Variants in PUS7 observed in about 807,000 individuals in gnomAD.
PUS7 encodes the protein pseudouridine synthase 7, also known as pseudouridylate synthase 7 homolog.
PUS7 carries 48 observed loss-of-function variants against 79.8 expected under a neutral mutation model. That is an observed-to-expected ratio of 0.60 (90% CI 0.48 to 0.76). The LOEUF is 0.76. PUS7 is among the 30% of genes least tolerant of loss of function. The pLI is 0.00. For synonymous variants in PUS7, 286 were observed against 272.2 expected (o/e 1.05, Z -0.50); for missense variants, 729 against 797.6 (o/e 0.91, Z 1.04).
chr7:105,515,041 G>A (rs1310854266), intron 1 of PUS7, among the ~76,000 whole-genome samples: 1 of 152,190 alleles, frequency 6.6e-6, no homozygotes, highest in South Asian at 2.1e-4. Context: ...TGATCTGCCC[G>A]CCTTGGCCTC....
At chr7:105,510,187 C>A (rs1448047211) in intron 1 of PUS7, among the ~76,000 whole-genome samples, 7 of 152,014 alleles carry the variant, frequency 4.6e-5, no homozygotes, top group African/African-American at 7.2e-5. Context: ...GTAATCCCAG[C>A]TACTCGGGAG....
chr7:105,472,001 C>A, intron 10 of PUS7, 131 bp downstream of exon 10: 100 of 511,900 alleles, frequency 2.0e-4, no homozygotes, highest in East Asian at 3.8e-4. Context: ...TAAACTTATA[C>A]TTTTATTGTA....
rs780070183 is a variant in PUS7, at chr7:105,462,793, G to A, written c.1628-43C>T. 5.7e-6 allele frequency: 9 copies of A among 1,583,888 alleles called. No individual in the cohort carries two copies. In the South Asian group the frequency reaches 9.0e-5, roughly 16 times the overall value. On this transcript the variant is annotated intron_variant, in intron 13 of 15. Coordinates refer to ENST00000469408, the MANE Select transcript of PUS7 (RefSeq NM_019042.5). ...AAGTTAGTTGAAATGCAGCTTGTCA[G>A]TCAAGTTATCCTGAACTAGATTATA... is the stretch of plus-strand genomic sequence containing the variant.
chr7:105,511,499 T>A (rs982956692), intron 1 of PUS7, among the ~76,000 whole-genome samples: 16 of 149,366 alleles, frequency 1.1e-4, no homozygotes, highest in African/African-American at 3.9e-4. Context: ...GCATGGCTCA[T>A]GCCTGAAATC....
chr7:105,477,199 A>C (rs1479672455), intron 9 of PUS7, among the ~76,000 whole-genome samples: 1 of 152,150 alleles, frequency 6.6e-6, no homozygotes, highest in Non-Finnish European at 1.5e-5. Flanking sequence ...AAGAGTTTGC[A>C]TAAGTGCAGC....
intron 5 of PUS7, among the ~76,000 whole-genome samples, chr7:105,497,497 A>G (rs561025553): frequency 6.6e-6 from 1 of 152,364 alleles, no homozygotes; most frequent in Non-Finnish European, 1.5e-5. Context: ...AGTTCTTTAT[A>G]GATTAAAAAA....
At chr7:105,498,380 A>T (rs894736070) in intron 5 of PUS7, among the ~76,000 whole-genome samples, 1 of 152,338 alleles carries the variant, frequency 6.6e-6, no homozygotes, top group South Asian at 2.1e-4. Context: ...ACTTGCAGAC[A>T]TTTTTGAGAC....
chr7:105,465,957 A>C (rs960691792), intron 12 of PUS7, among the ~76,000 whole-genome samples: 6 of 152,192 alleles, frequency 3.9e-5, no homozygotes. Flanking sequence ...CAGGAGTTCC[A>C]GAGCAGCCTA....
At chr7:105,503,264 G>A (rs1825326889) in intron 4 of PUS7, among the ~76,000 whole-genome samples, 1 of 152,176 alleles carries the variant, frequency 6.6e-6, no homozygotes, top group Admixed American at 6.5e-5. Flanking sequence ...CAGGGTCTCT[G>A]CTGGACAGAC....
chr7:105,514,842 A>AGAGC (rs1408554036), intron 1 of PUS7, among the ~76,000 whole-genome samples: 1 of 149,354 alleles, frequency 6.7e-6, no homozygotes, highest in Non-Finnish European at 1.5e-5. Context: ...CCCAGGCTGG[A>AGAGC]GAGCAGTGGC....
chr7:105,520,152 C>CG (rs1826048631), intron 1 of PUS7, among the ~76,000 whole-genome samples: 1 of 152,066 alleles, frequency 6.6e-6, no homozygotes, highest in South Asian at 2.1e-4. Context: ...GGTGAAACCC[C>CG]GTCTCTACTA....
At chr7:105,487,229 C>T (rs1054758665) in intron 7 of PUS7, among the ~76,000 whole-genome samples, 1 of 152,120 alleles carries the variant, frequency 6.6e-6, no homozygotes, top group African/African-American at 2.4e-5. Context: ...AAACCCTGTA[C>T]CTATTCAGCA....
At chr7:105,475,438 G>A (rs1167746236) in intron 9 of PUS7, among the ~76,000 whole-genome samples, 4 of 151,866 alleles carry the variant, frequency 2.6e-5, no homozygotes, top group South Asian at 2.1e-4. Context: ...GCCCCCCTTG[G>A]CCTCCTGGAG....
intron 11 of PUS7, 43 bp downstream of exon 11, chr7:105,470,645 A>G (rs775502466): frequency 4.7e-6 from 7 of 1,501,430 alleles, no homozygotes; most frequent in Non-Finnish European, 6.3e-6. Flanking sequence ...AAAAAGCATT[A>G]AAACGCCTTG....
chr7:105,468,760 C>G (rs989651829), intron 11 of PUS7, among the ~76,000 whole-genome samples: 3 of 151,984 alleles, frequency 2.0e-5, no homozygotes, highest in African/African-American at 4.8e-5. Context: ...TCAGGTGATC[C>G]GCCCACCTTG....
chr7:105,468,515 T>G, intron 11 of PUS7, 52 bp from the exon 12 acceptor site: 2 of 1,504,734 alleles, frequency 1.3e-6, no homozygotes, highest in Non-Finnish European at 9.0e-7. Flanking sequence ...ATATAAAAAG[T>G]GCTGTACTTT....
chr7:105,489,747 G>A (rs1824706493), intron 7 of PUS7, among the ~76,000 whole-genome samples: 1 of 152,164 alleles, frequency 6.6e-6, no homozygotes, highest in South Asian at 2.1e-4. Flanking sequence ...TAGTGGGAAA[G>A]AAGCCCAATT....
intron 1 of PUS7, among the ~76,000 whole-genome samples, chr7:105,510,277 G>T (rs1189323221): frequency 4.0e-5 from 6 of 151,614 alleles, no homozygotes; most frequent in Non-Finnish European, 8.8e-5. Context: ...TCCAGCCTGG[G>T]CAACAAGAGC....
intron 14 of PUS7, among the ~76,000 whole-genome samples, chr7:105,461,161 A>AT (rs1444608524): frequency 1.3e-5 from 2 of 152,144 alleles, no homozygotes; most frequent in Non-Finnish European, 2.9e-5. Flanking sequence ...ACATAAGTAT[A>AT]TTTTCCTCTC....
Sources: allele counts gnomAD v4.1 joint callset (sites outside exome capture counted in the v4.1 genomes callset), GRCh38; gene constraint gnomAD v4.1.1; transcripts MANE v1.5; gene names NCBI Gene and HGNC (gene_info 2026-07-23, HGNC 2026-07-21).